The following EPB41L5 variants were observed in gnomAD, a reference collection of about 807,000 sequenced individuals.
The protein encoded by EPB41L5 is band 4.1-like protein 5.
In EPB41L5, 55 loss-of-function variants were observed where a neutral mutation model predicts 106.6. That is an observed-to-expected ratio of 0.52 (90% CI 0.42 to 0.65). The LOEUF is 0.65. Among genes scored for constraint, EPB41L5 ranks in the 30% least tolerant of loss-of-function variants. The pLI is 0.00. For synonymous variants in EPB41L5, 297 were observed against 306.7 expected, an observed-to-expected ratio of 0.97 and a Z score of 0.33; for missense variants, 871 against 882.1, an observed-to-expected ratio of 0.99 and a Z score of 0.16.
At chr2:120,087,317 A>C in intron 11 of EPB41L5, 77 bp downstream of exon 11, 1 of 847,388 alleles carries the variant, frequency 1.2e-6, no homozygotes, top group Non-Finnish European at 1.9e-6. Context: ...TAAAAGAGGG[A>C]ATGTACCTCA....
intron 17 of EPB41L5, 66 bp from the exon 18 acceptor site, chr2:120,131,552 C>A: frequency 9.3e-7 from 1 of 1,076,496 alleles, no homozygotes; most frequent in Non-Finnish European, 1.4e-6. Context: ...AAAACCATAC[C>A]CTCACACAGC....
intron 3 of EPB41L5, among the ~76,000 whole-genome samples, chr2:120,063,092 C>T (rs1438489249): frequency 6.6e-6 from 1 of 151,952 alleles, no homozygotes; most frequent in Non-Finnish European, 1.5e-5. Flanking sequence ...GTAATCCTAG[C>T]ACTTTGGAAG....
At chr2:120,145,699 C>T (rs773662173) in intron 19 of EPB41L5, among the ~76,000 whole-genome samples, 3 of 152,104 alleles carry the variant, frequency 2.0e-5, no homozygotes, top group Non-Finnish European at 1.5e-5. Context: ...AATCCCACCA[C>T]CTTGGGAGGC....
chr2:120,166,256 A>G (rs1687401864), intron 22 of EPB41L5, among the ~76,000 whole-genome samples: 3 of 152,202 alleles, frequency 2.0e-5, no homozygotes, highest in Admixed American at 2.0e-4. Flanking sequence ...CAGGTGGTGC[A>G]GATGTGGTCT....
At chr2:120,167,561 C>T (rs1057102087) in intron 23 of EPB41L5, 54 bp downstream of exon 23, 4 of 1,536,416 alleles carry the variant, frequency 2.6e-6, no homozygotes, top group African/African-American at 1.4e-5. Flanking sequence ...AGGGTAAGGC[C>T]TAAAGGATTA....
At chr2:120,066,691 T>C (rs1024589542) in intron 3 of EPB41L5, among the ~76,000 whole-genome samples, 4 of 152,188 alleles carry the variant, frequency 2.6e-5, no homozygotes, top group African/African-American at 9.7e-5. Flanking sequence ...GTTGTGCTCA[T>C]TTGCACTCAC....
intron 2 of EPB41L5, among the ~76,000 whole-genome samples, chr2:120,019,820 G>C (rs1170512125): frequency 6.6e-6 from 1 of 152,078 alleles, no homozygotes; most frequent in African/African-American, 2.4e-5. Context: ...CTGTCTCTTT[G>C]CTCCTGAAGT....
chr2:120,040,811 A>G (rs1192840691), intron 2 of EPB41L5, among the ~76,000 whole-genome samples: 2 of 152,200 alleles, frequency 1.3e-5, no homozygotes, highest in African/African-American at 4.8e-5. Flanking sequence ...TGACAGATTT[A>G]CTTATCTAAA....
rs753054885 is a variant in EPB41L5 at position 120,176,177 on chromosome 2, G to T, written c.*1270G>T. 1 of 152,640 alleles carries T rather than the reference G, an allele frequency of 6.6e-6. No individual in the cohort carries two copies. The highest frequency in any genetic ancestry group is 1.5e-5 in the Non-Finnish European group (1 of 68,038). The allele number at this position is 152,640 out of a possible 1,614,324, so 9.5% of individuals were successfully genotyped here. A position where few individuals can be genotyped will look rare whatever the true frequency, so the allele number is the denominator to read the frequency against. ...CTATTTAGCTTTATAATTTTCGAATGAACAAGGTAAACCTCGGTTGCCATG... is the reference window on the plus strand; with the variant it reads ...CTATTTAGCTTTATAATTTTCGAATTAACAAGGTAAACCTCGGTTGCCATG... On this transcript the variant is annotated 3_prime_UTR_variant, in exon 25 of 25. Coordinates refer to ENST00000263713, the MANE Select transcript of EPB41L5 (RefSeq NM_020909.4).
At chr2:120,120,048 A>G (rs1455209066) in intron 16 of EPB41L5, among the ~76,000 whole-genome samples, 2 of 152,210 alleles carry the variant, frequency 1.3e-5, no homozygotes, top group Non-Finnish European at 2.9e-5. Flanking sequence ...ACAAATAAAT[A>G]TGCTCCACTG....
At chr2:120,135,071 A>G (rs1197251573) in intron 18 of EPB41L5, among the ~76,000 whole-genome samples, 4 of 152,212 alleles carry the variant, frequency 2.6e-5, no homozygotes, top group African/African-American at 9.6e-5. Context: ...CAGAAAAGGA[A>G]TTCAGAATTC....
chr2:120,122,417 G>A (rs1450161643), intron 16 of EPB41L5, among the ~76,000 whole-genome samples: 18 of 152,156 alleles, frequency 1.2e-4, no homozygotes, highest in Middle Eastern at 3.4e-3. Flanking sequence ...TCCCAGCACC[G>A]TTTATTAAAC....
chr2:120,014,870 G>A (rs761166617), intron 1 of EPB41L5, among the ~76,000 whole-genome samples: 9 of 151,720 alleles, frequency 5.9e-5, no homozygotes, highest in Admixed American at 2.0e-4. Flanking sequence ...GATCAGATTT[G>A]TGGTTGCCAA....
chr2:120,024,207 A>G (rs942946842), intron 2 of EPB41L5, among the ~76,000 whole-genome samples: 2 of 152,132 alleles, frequency 1.3e-5, no homozygotes, highest in African/African-American at 4.8e-5. Context: ...AGAACTTCCA[A>G]TACTATGTTG....
intron 16 of EPB41L5, among the ~76,000 whole-genome samples, chr2:120,101,028 CAGCTGTCCTTACTT>C (rs1000399312): frequency 1.3e-5 from 2 of 152,176 alleles, no homozygotes; most frequent in African/African-American, 4.8e-5. Flanking sequence ...GACCATCAGA[CAGCTGTCCTTACTT>C]ATTATTTATT....
At chr2:120,085,021 G>A (rs747079691) in intron 10 of EPB41L5, among the ~76,000 whole-genome samples, 7 of 152,062 alleles carry the variant, frequency 4.6e-5, no homozygotes, top group East Asian at 1.9e-4. Context: ...CTAGTTAGCC[G>A]TTTGTCTAAT....
chr2:120,173,287 G>A (rs1467584084), intron 24 of EPB41L5, among the ~76,000 whole-genome samples: 1 of 152,178 alleles, frequency 6.6e-6, no homozygotes, highest in Non-Finnish European at 1.5e-5. Context: ...GGAGAGGGTG[G>A]AAGAAAGGTA....
intron 3 of EPB41L5, among the ~76,000 whole-genome samples, chr2:120,062,618 TTTTG>T (rs1681161206): frequency 6.6e-6 from 1 of 152,224 alleles, no homozygotes; most frequent in African/African-American, 2.4e-5. Context: ...GATAGTGTTG[TTTTG>T]TTTCAGTTAA....
At chr2:120,094,275 C>T (rs1683605341) in intron 14 of EPB41L5, among the ~76,000 whole-genome samples, 1 of 152,172 alleles carries the variant, frequency 6.6e-6, no homozygotes. Flanking sequence ...GCGTGAGCCA[C>T]AGCACCAGGC....
Sources: allele counts gnomAD v4.1 joint callset (sites outside exome capture counted in the v4.1 genomes callset), GRCh38; gene constraint gnomAD v4.1.1; transcripts MANE v1.5; gene names NCBI Gene and HGNC (gene_info 2026-07-23, HGNC 2026-07-21).